Variants in ATF2 observed in about 807,000 individuals in gnomAD.
ATF2 encodes the protein activating transcription factor 2.
Under a neutral mutation model 60.6 loss-of-function variants are expected in ATF2, and 24 were observed. The observed-to-expected ratio is 0.40, with a 90% CI of 0.29 to 0.56. The LOEUF is 0.56. Ranked by LOEUF, ATF2 falls within the 20% of genes least tolerant of loss-of-function variation. The pLI is 0.54. For synonymous variants in ATF2, 206 were observed against 215.4 expected (o/e 0.96, Z 0.38); for missense variants, 433 against 607.7 (o/e 0.71, Z 3.02).
intron 1 of ATF2, among the ~76,000 whole-genome samples, chr2:175,160,863 A>G (rs1244671871): frequency 1.3e-5 from 2 of 152,096 alleles, no homozygotes; most frequent in African/African-American, 4.8e-5. Context: ...CAACGGCAAG[A>G]CCCCATCTCT....
chr2:175,165,812 G>A (rs572927538), intron 1 of ATF2, among the ~76,000 whole-genome samples: 9 of 152,224 alleles, frequency 5.9e-5, no homozygotes, highest in East Asian at 3.9e-4. Context: ...GGGACTACAG[G>A]AGCCAACACA....
intron 2 of ATF2, among the ~76,000 whole-genome samples, chr2:175,140,446 G>A (rs989092267): frequency 6.6e-5 from 10 of 152,072 alleles, no homozygotes; most frequent in Admixed American, 2.0e-4. Flanking sequence ...AAACCACAGC[G>A]ACAGAAAGCA....
chr2:175,095,085 T>C (rs1471870796), intron 11 of ATF2, among the ~76,000 whole-genome samples: 1 of 152,004 alleles, frequency 6.6e-6, no homozygotes, highest in Non-Finnish European at 1.5e-5. Flanking sequence ...TTTTTCTTCA[T>C]CCTCCTATTT....
At chr2:175,114,131 A>G in intron 8 of ATF2, 23 bp from the exon 9 acceptor site, 1 of 1,552,508 alleles carries the variant, frequency 6.4e-7, no homozygotes, top group Non-Finnish European at 8.7e-7. Flanking sequence ...AAAGAAGAGA[A>G]ATTTTAAAAA....
intron 10 of ATF2, among the ~76,000 whole-genome samples, chr2:175,102,797 T>C (rs1695397328): frequency 6.6e-6 from 1 of 152,010 alleles, no homozygotes; most frequent in Non-Finnish European, 1.5e-5. Flanking sequence ...AGGTCTATAT[T>C]ATCCAACATG....
intron 12 of ATF2, among the ~76,000 whole-genome samples, chr2:175,082,636 C>G (rs1205719478): frequency 6.6e-6 from 1 of 152,152 alleles, no homozygotes; most frequent in African/African-American, 2.4e-5. Context: ...TAATGATTTT[C>G]AACTCTCACT....
At chr2:175,093,022 A>T in intron 12 of ATF2, 39 bp downstream of exon 12, 1 of 1,583,618 alleles carries the variant, frequency 6.3e-7, no homozygotes, top group Non-Finnish European at 8.6e-7. Context: ...ACAATTATTA[A>T]AAAAGAAATA....
In ATF2 at chr2:175,117,110, T is replaced by G. The variant is rs562317258; in HGVS notation, c.447+880A>C. Reference sequence around the variant, plus strand: ...AATGTATATATCTAGAAAAAAATGTTTCAAGATAGTAATTCTTATTCAATT... The same window carrying G: ...AATGTATATATCTAGAAAAAAATGTGTCAAGATAGTAATTCTTATTCAATT... On this transcript the variant is annotated intron_variant, in intron 7 of 13. Transcript: ENST00000264110. 6.6e-5 allele frequency among the ~76,000 whole-genome samples: 10 copies of G among 152,074 alleles called. No individual in the cohort carries two copies. In the South Asian group the frequency reaches 2.1e-3, roughly 32 times the overall value.
intron 2 of ATF2, among the ~76,000 whole-genome samples, chr2:175,146,246 A>G (rs942615823): frequency 1.3e-5 from 2 of 152,206 alleles, no homozygotes; most frequent in African/African-American, 4.8e-5. Flanking sequence ...ATAGTCAAGG[A>G]AACATTAAGG....
chr2:175,130,050 G>GA, intron 4 of ATF2, 88 bp downstream of exon 4: 1 of 1,032,294 alleles, frequency 9.7e-7, no homozygotes, highest in Non-Finnish European at 1.4e-6. Flanking sequence ...AATACTGTAA[G>GA]AAAATACTTT....
chr2:175,085,985 G>A (rs900627979), intron 12 of ATF2, among the ~76,000 whole-genome samples: 1 of 152,054 alleles, frequency 6.6e-6, no homozygotes, highest in East Asian at 1.9e-4. Context: ...TATCTAAAAG[G>A]TATAATATAC....
intron 4 of ATF2, among the ~76,000 whole-genome samples, chr2:175,124,576 G>A (rs62184476): frequency 0.039 from 5,960 of 151,580 alleles, 136 homozygotes; most frequent in Admixed American, 0.094. Flanking sequence ...CAAGCCATTG[G>A]GCCAATAGCT....
intron 13 of ATF2, 100 bp from the exon 14 acceptor site, chr2:175,074,935 A>G: frequency 6.5e-7 from 1 of 1,542,666 alleles, no homozygotes; most frequent in Non-Finnish European, 8.7e-7. Context: ...AAAGTATCTT[A>G]CAAAACTGAT....
At chr2:175,111,725 T>A (rs1022329834) in intron 9 of ATF2, 71 bp from the exon 10 acceptor site, 15 of 1,291,356 alleles carry the variant, frequency 1.2e-5, no homozygotes, top group Admixed American at 1.1e-4. Context: ...TTACTGCTGT[T>A]GTAATAATTT....
chr2:175,124,558 T>A (rs1056006325), intron 4 of ATF2, among the ~76,000 whole-genome samples: 1 of 151,890 alleles, frequency 6.6e-6, no homozygotes, highest in Non-Finnish European at 1.5e-5. Flanking sequence ...TAGACACAAA[T>A]AAGTTTTCAA....
At chr2:175,133,838 A>C (rs1697926823) in intron 3 of ATF2, among the ~76,000 whole-genome samples, 1 of 152,168 alleles carries the variant, frequency 6.6e-6, no homozygotes, top group Non-Finnish European at 1.5e-5. Context: ...GATAAAACAG[A>C]TTTTACTCTA....
chr2:175,154,726 T>C (rs1699555067), intron 1 of ATF2, among the ~76,000 whole-genome samples: 3 of 152,224 alleles, frequency 2.0e-5, no homozygotes, highest in South Asian at 2.1e-4. Context: ...CCACATCTTA[T>C]ATGTGGTCTG....
intron 2 of ATF2, among the ~76,000 whole-genome samples, 186 bp downstream of exon 2, chr2:175,150,874 A>G (rs1201857652): frequency 6.6e-6 from 1 of 152,140 alleles, no homozygotes; most frequent in East Asian, 1.9e-4. Context: ...CATTCATTCT[A>G]TCTCCAAAAG....
chr2:175,088,954 G>A (rs1694356826), intron 12 of ATF2, among the ~76,000 whole-genome samples: 1 of 152,132 alleles, frequency 6.6e-6, no homozygotes, highest in Non-Finnish European at 1.5e-5. Flanking sequence ...AGCTGAGGCG[G>A]GCAGATCACT....
Sources: allele counts gnomAD v4.1 joint callset (sites outside exome capture counted in the v4.1 genomes callset), GRCh38; gene constraint gnomAD v4.1.1; transcripts MANE v1.5; gene names NCBI Gene and HGNC (gene_info 2026-07-23, HGNC 2026-07-21).